Variants in BANP observed in about 807,000 individuals in gnomAD.
BANP encodes the protein protein BANP.
Under a neutral mutation model 68.1 loss-of-function variants are expected in BANP, and 11 were observed. The observed-to-expected ratio is 0.16, with a 90% confidence interval of 0.10 to 0.27. The LOEUF (loss-of-function observed/expected upper bound fraction) is 0.27. Among genes scored for constraint, BANP ranks in the 10% least tolerant of loss-of-function variants. The pLI, the probability that BANP is intolerant of heterozygous loss-of-function variation, is 1.00. For synonymous variants in BANP, 329 were observed against 303.2 expected (o/e 1.09, Z -0.88); for missense variants, 504 against 722.7 (o/e 0.70, Z 3.47).
At chr16:88,070,968 G>T in intron 12 of BANP, 1 of 156,514 alleles carries the variant, frequency 6.4e-6, no homozygotes, top group Non-Finnish European at 1.4e-5. Context: ...TGTAGGTGAA[G>T]TCTAGTCTTT....
Position 88,071,818 on chromosome 16 carries a change from T to G in BANP, c.1378-251T>G. The G allele has an allele frequency of 1.5e-6, 1 of 689,238 alleles. No individual in the cohort carries two copies. The highest frequency in any genetic ancestry group is 2.7e-6 in the Non-Finnish European group (1 of 377,064). The allele number at this position is 689,238 out of a possible 1,614,324, so 42.7% of individuals were successfully genotyped here. A position where few individuals can be genotyped will look rare whatever the true frequency, so the allele number is the denominator to read the frequency against. ...TTTTTTTTCCCTTTTTTCTGCTCTG[T>G]AGGTGCTTGAGGGCGGAGTTGCAGA... On this transcript the variant is annotated intron_variant, in intron 12 of 13. Coordinates refer to ENST00000682872, the MANE Select transcript of BANP (RefSeq NM_001386991.1). The surrounding 1 kb of genome is among the most constrained non-coding windows in gnomAD (Gnocchi z 6.5).
At chr16:87,962,822 C>G (rs2059423436) in intron 1 of BANP, among the ~76,000 whole-genome samples, 1 of 152,102 alleles carries the variant, frequency 6.6e-6, no homozygotes, top group Non-Finnish European at 1.5e-5. Flanking sequence ...CAGTTATTTC[C>G]CATCTCATTC....
At chr16:87,987,919 C>A (rs1309744503) in intron 4 of BANP, among the ~76,000 whole-genome samples, 1 of 151,972 alleles carries the variant, frequency 6.6e-6, no homozygotes, top group African/African-American at 2.4e-5. Context: ...GTGCACGCTA[C>A]TATGCTTGGC....
chr16:88,035,112 G>C, intron 9 of BANP: 2 of 566,840 alleles, frequency 3.5e-6, no homozygotes, highest in Non-Finnish European at 6.4e-6. Context: ...GGTAGGGGGT[G>C]CTTCTTGAAA....
chr16:87,967,480 G>C (rs185170675), intron 1 of BANP, among the ~76,000 whole-genome samples: 2 of 151,678 alleles, frequency 1.3e-5, no homozygotes, highest in Admixed American at 1.3e-4. Flanking sequence ...TTTTTGAGAC[G>C]GATCTCGCTC....
chr16:88,027,764 G>C (rs1260508015), intron 8 of BANP, 114 bp downstream of exon 8: 1 of 1,275,326 alleles, frequency 7.8e-7, no homozygotes, highest in Non-Finnish European at 1.1e-6. Flanking sequence ...GCCGGGAGCC[G>C]AGGCCAGAGG....
chr16:88,062,478 C>G (rs2087103738), intron 11 of BANP, among the ~76,000 whole-genome samples: 1 of 152,204 alleles, frequency 6.6e-6, no homozygotes, highest in South Asian at 2.1e-4. Context: ...TATCTGAAAA[C>G]AACTGGCTCT....
chr16:87,965,898 G>A (rs1206182713), intron 1 of BANP, among the ~76,000 whole-genome samples: 2 of 152,178 alleles, frequency 1.3e-5, no homozygotes, highest in African/African-American at 2.4e-5. Context: ...CCAGGAGGGC[G>A]GAGTGGACAG....
At chr16:88,015,439 C>T (rs761009598) in intron 6 of BANP, among the ~76,000 whole-genome samples, 1 of 152,252 alleles carries the variant, frequency 6.6e-6, no homozygotes, top group Admixed American at 6.5e-5. Context: ...GGTTCTCCAC[C>T]CTCTCCTGTC....
chr16:88,042,450 G>A (rs994196396), intron 11 of BANP, among the ~76,000 whole-genome samples: 2 of 152,162 alleles, frequency 1.3e-5, no homozygotes, highest in East Asian at 1.9e-4. Flanking sequence ...TGCTTTGCCA[G>A]CTGCCCAGCC....
chr16:88,039,225 A>G (rs1260062814), intron 11 of BANP, among the ~76,000 whole-genome samples: 3 of 151,940 alleles, frequency 2.0e-5, no homozygotes, highest in Non-Finnish European at 2.9e-5. Context: ...GCTCGTCTGT[A>G]AGTATGAATT....
chr16:87,990,152 G>A (rs1472297009), intron 4 of BANP, among the ~76,000 whole-genome samples: 1 of 152,182 alleles, frequency 6.6e-6, no homozygotes, highest in East Asian at 1.9e-4. Flanking sequence ...TTTTATTTTA[G>A]TTTATTTTAA....
Position 88,004,342 on chromosome 16 carries a change from C to T in BANP, c.410C>T (p.Ala137Val). 2 of 1,550,514 alleles carry T rather than the reference C, an allele frequency of 1.3e-6. No homozygotes were observed. The highest frequency in any genetic ancestry group is 2.4e-5 in the East Asian group (1 of 40,920). Residue 137 changes from alanine to valine, a missense_variant, in exon 5 of 14, where the codon GCC (alanine) becomes GTC (valine). Transcript: ENST00000682872. The surrounding 1 kb of genome is among the most constrained non-coding windows in gnomAD (Gnocchi z 7.0). ...ATACTCAACAATGATCGGCAGAACG[C>T]CATTGTAGCCAAGATGGAAGACCCC... ...TVILNNDRQNAIVAKMEDPLS... is the reference protein window; with the variant it reads ...TVILNNDRQNVIVAKMEDPLS...
intron 4 of BANP, among the ~76,000 whole-genome samples, chr16:87,985,335 G>T (rs1239112406): frequency 2.0e-5 from 3 of 152,186 alleles, no homozygotes; most frequent in African/African-American, 7.2e-5. Context: ...GGCGGGAGCT[G>T]GGGATCGTTC....
chr16:88,019,116 C>G (rs2075280198), intron 7 of BANP, among the ~76,000 whole-genome samples: 1 of 152,202 alleles, frequency 6.6e-6, no homozygotes, highest in South Asian at 2.1e-4. Context: ...GCCAGGGCCT[C>G]AGCGCTGACC....
intron 7 of BANP, among the ~76,000 whole-genome samples, chr16:88,021,799 A>T (rs1223060942): frequency 1.3e-5 from 2 of 152,256 alleles, no homozygotes; most frequent in African/African-American, 4.8e-5. Context: ...TAGCCTCAGC[A>T]GTCAGAGGCC....
At position 88,043,056 on chromosome 16, in the gene BANP, G is replaced by A. The variant is rs1229125950; in HGVS notation, c.1311+5045G>A. Among the ~76,000 whole-genome samples the A allele has an allele frequency of 6.6e-5, 10 of 152,220 alleles. 1 individual carries two copies. The highest frequency in any genetic ancestry group is 6.2e-4 in the South Asian group (3 of 4,822). On this transcript the variant is annotated intron_variant, in intron 11 of 13. Coordinates refer to ENST00000682872, the MANE Select transcript of BANP (RefSeq NM_001386991.1). ...AACAACGAGCATTCAGGTCACTGTG[G>A]GAGCTGCCTAAGTGAGAGTCTCAGT...
intron 12 of BANP, among the ~76,000 whole-genome samples, chr16:88,070,557 G>A (rs987177512): frequency 1.3e-5 from 2 of 152,176 alleles, no homozygotes; most frequent in African/African-American, 4.8e-5. Context: ...GCAAGTCGTG[G>A]CTGGCAGGGT....
Position 88,018,722 on chromosome 16 carries a change from C to G in BANP, c.895+55C>G. 6.6e-7 allele frequency: 1 copy of G among 1,520,112 alleles called. No individual in the cohort carries two copies. Among genetic ancestry groups the G allele is most frequent in the Non-Finnish European group, 8.9e-7 (1 of 1,127,962 alleles). The allele number at this position is 1,520,112 out of a possible 1,614,324, so 94.2% of individuals were successfully genotyped here. The stretch of plus-strand genomic sequence containing the variant: ...GGTGTGCGGGGAGCTGGGTCAGGAC[C>G]CACATTTCAATGCTGAGGACGCTGG... On this transcript the variant is annotated intron_variant, in intron 7 of 13. Coordinates refer to ENST00000682872, the MANE Select transcript of BANP (RefSeq NM_001386991.1). This position sits in a 1 kb window ranked among gnomAD's most constrained non-coding sequence, Gnocchi z 7.7.
Sources: gnomAD v4.1 joint callset for allele counts (sites outside exome capture counted in the v4.1 genomes callset) on GRCh38, gnomAD v4.1.1 for gene constraint, Gnocchi (gnomAD v3.1) non-coding constraint, MANE v1.5 for transcripts, NCBI Gene and HGNC (gene_info 2026-07-23, HGNC 2026-07-21) for gene names.